ITGAM: variants seen among roughly 807,000 people sequenced by gnomAD.
ITGAM encodes the protein integrin alpha-M.
A neutral mutation model predicts 137.5 loss-of-function variants in ITGAM; 79 were observed. The ratio of observed to expected loss-of-function variants is 0.57; its 90% CI spans 0.48 to 0.69. The LOEUF is 0.69. Ranked by LOEUF, ITGAM falls within the 30% of genes least tolerant of loss-of-function variation. The pLI is 0.00. For missense variants in ITGAM, 1,343 were observed against 1,483.5 expected (o/e 0.91, Z 1.56); for synonymous variants, 583 against 592.3 (o/e 0.98, Z 0.23).
At position 31,273,416 on chromosome 16, in the gene ITGAM, C is replaced by T. The variant is rs771087849; in HGVS notation, c.756C>T (p.Ile252=). The part of the protein sequence containing the change: ...TNGARKNAFK[I]LVVITDGEKF... Reference sequence around the variant, plus strand: ...GAGCCCGAAAGAATGCCTTTAAGATCCTAGTTGTCATCACGGATGGAGAAA... The same window carrying T: ...GAGCCCGAAAGAATGCCTTTAAGATTCTAGTTGTCATCACGGATGGAGAAA... Residue 252 remains isoleucine (I), a synonymous_variant, in exon 8 of 30, where the codon ATC becomes ATT. Coordinates refer to ENST00000544665, the MANE Select transcript of ITGAM (RefSeq NM_000632.4). 26 of 1,613,596 alleles carry T rather than the reference C, an allele frequency of 1.6e-5. No individual in the cohort carries two copies. Among genetic ancestry groups the T allele is most frequent in the Non-Finnish European group, 2.2e-5 (26 of 1,179,776 alleles).
At chr16:31,302,451 C>CT (rs1567267983) in intron 14 of ITGAM, among the ~76,000 whole-genome samples, 6,063 of 82,510 alleles carry the variant, frequency 0.073, 196 homozygotes, top group Middle Eastern at 0.12. Context: ...TTCTTTCTTT[C>CT]TTCCTTCCTT....
chr16:31,281,222 T>C (rs1290017058), intron 12 of ITGAM, among the ~76,000 whole-genome samples: 3 of 152,204 alleles, frequency 2.0e-5, no homozygotes, highest in Admixed American at 6.5e-5. Context: ...ATCAGGACGA[T>C]GCTGGCCTCA....
chr16:31,260,224 G>A (rs11865830), intron 1 of ITGAM, 132 bp downstream of exon 1: 461,179 of 682,854 alleles, frequency 0.68, 158,330 homozygotes, highest in Middle Eastern at 0.81. Context: ...AGGAGAAAGG[G>A]TTCAAGAAGA....
chr16:31,270,142 C>G lies in ITGAM; in HGVS notation c.428-812C>G, dbSNP rs568478125. Among the ~76,000 whole-genome samples the G allele has an allele frequency of 2.4e-4, 14 of 58,248 alleles. No individual in the cohort carries two copies. In the East Asian group the frequency reaches 2.6e-3, roughly 11 times the overall value. 38.2% of individuals were successfully genotyped at this position (58,248 alleles called of 152,430 possible). ...CCTTCCTTCCTTCCTCCTTTGCTTT[C>G]CTTTCCTTTCCTTTCCTTTCCTTTC... On this transcript the variant is annotated intron_variant, in intron 5 of 29. Coordinates refer to ENST00000544665, the MANE Select transcript of ITGAM (RefSeq NM_000632.4).
At chr16:31,304,161 A>G (rs2080243147) in intron 14 of ITGAM, among the ~76,000 whole-genome samples, 1 of 152,112 alleles carries the variant, frequency 6.6e-6, no homozygotes, top group South Asian at 2.1e-4. Flanking sequence ...CCATTCTTGC[A>G]GGAGTAAGGT....
At chr16:31,278,386 TGTTA>T (rs1267045180) in intron 12 of ITGAM, among the ~76,000 whole-genome samples, 1 of 152,168 alleles carries the variant, frequency 6.6e-6, no homozygotes, top group African/African-American at 2.4e-5. Flanking sequence ...AGGATAGCCA[TGTTA>T]GTTAATAAAA....
chr16:31,290,554 C>T (rs969424429), intron 12 of ITGAM, among the ~76,000 whole-genome samples: 2 of 152,104 alleles, frequency 1.3e-5, no homozygotes, highest in African/African-American at 2.4e-5. Flanking sequence ...TAAAAATACT[C>T]TCAGCCGACT....
intron 1 of ITGAM, 41 bp downstream of exon 1, chr16:31,260,133 G>T: frequency 7.2e-7 from 1 of 1,386,120 alleles, no homozygotes; most frequent in South Asian, 1.3e-5. Flanking sequence ...TGGGGAGGAG[G>T]GTAACTTTTG....
intron 22 of ITGAM, among the ~76,000 whole-genome samples, chr16:31,327,707 A>G (rs1355410154): frequency 6.6e-6 from 1 of 152,222 alleles, no homozygotes. Flanking sequence ...GGCAGGAAGC[A>G]GATACCAGGG....
chr16:31,331,587 G>T (rs779066530), intron 29 of ITGAM, 49 bp from the exon 30 acceptor site: 12 of 627,366 alleles, frequency 1.9e-5, no homozygotes, highest in Middle Eastern at 3.0e-4. Context: ...CTGCGGAGCC[G>T]CACGCTCCCT....
chr16:31,280,887 G>A (rs931873943), intron 12 of ITGAM, among the ~76,000 whole-genome samples: 21 of 152,096 alleles, frequency 1.4e-4, no homozygotes, highest in African/African-American at 4.1e-4. Context: ...TTTGAGATAC[G>A]TCCCATCAAT....
chr16:31,330,231 G>A lies in ITGAM; in HGVS notation c.3060+67G>A, dbSNP rs543771600. 1.6e-5 allele frequency: 25 copies of A among 1,591,708 alleles called. No homozygotes were observed. In the Admixed American group the frequency reaches 4.2e-4, roughly 27 times the overall value. The stretch of plus-strand genomic sequence containing the variant: ...AGCGCTTCCCTGCTGGAACCTGTAT[G>A]GTCTCTGAGCAAACGGGGAGGGGTG... On this transcript the variant is annotated intron_variant, in intron 26 of 29. Transcript: ENST00000544665.
Position 31,324,849 on chromosome 16 carries a change from T to C in ITGAM, c.2289+67T>C. The C allele has an allele frequency of 6.4e-7, 1 of 1,553,428 alleles. No individual in the cohort carries two copies. Among genetic ancestry groups the C allele is most frequent in the Non-Finnish European group, 8.7e-7 (1 of 1,148,898 alleles). ...CAGAGACCAAGGTGGTTGAAACTCATTTTATTTGATTGCATCTAATTTTAC... is the reference window on the plus strand; with the variant it reads ...CAGAGACCAAGGTGGTTGAAACTCACTTTATTTGATTGCATCTAATTTTAC... On this transcript the variant is annotated intron_variant, in intron 18 of 29. Coordinates refer to ENST00000544665, the MANE Select transcript of ITGAM (RefSeq NM_000632.4). The surrounding 1 kb of genome is among the most constrained non-coding windows in gnomAD (Gnocchi z 4.5).
intron 12 of ITGAM, among the ~76,000 whole-genome samples, chr16:31,278,387 G>A (rs1226204452): frequency 6.6e-6 from 1 of 152,168 alleles, no homozygotes; most frequent in African/African-American, 2.4e-5. Flanking sequence ...GGATAGCCAT[G>A]TTAGTTAATA....
chr16:31,325,247 C>T lies in ITGAM; in HGVS notation c.2364-16C>T, dbSNP rs1485079134. 3 of 1,604,836 alleles carry T rather than the reference C, an allele frequency of 1.9e-6. No homozygotes were observed. Among genetic ancestry groups the T allele is most frequent in the African/African-American group, 2.7e-5 (2 of 74,798 alleles). On this transcript the variant is annotated splice_polypyrimidine_tract_variant and intron_variant, in intron 19 of 29. Coordinates refer to ENST00000544665, the MANE Select transcript of ITGAM (RefSeq NM_000632.4). Reference sequence around the variant, plus strand: ...CCCAGCGCCCCATCCCCCGGCCTGTCTTCTTCTTCCCACAGCCTGGACTGC... The same window carrying T: ...CCCAGCGCCCCATCCCCCGGCCTGTTTTCTTCTTCCCACAGCCTGGACTGC...
chr16:31,272,605 T>C (rs1219843788), intron 7 of ITGAM, among the ~76,000 whole-genome samples: 1 of 144,232 alleles, frequency 6.9e-6, no homozygotes, highest in Non-Finnish European at 1.5e-5. Flanking sequence ...TGCCTCAGCC[T>C]CCTGAGTAGC....
intron 14 of ITGAM, among the ~76,000 whole-genome samples, chr16:31,318,624 G>A (rs545736734): frequency 6.6e-5 from 10 of 152,258 alleles, no homozygotes; most frequent in South Asian, 2.1e-4. Flanking sequence ...GATTGCAGGC[G>A]TGAGCCACTG....
intron 12 of ITGAM, among the ~76,000 whole-genome samples, chr16:31,278,683 T>C (rs1222663585): frequency 6.6e-6 from 1 of 152,232 alleles, no homozygotes; most frequent in Non-Finnish European, 1.5e-5. Flanking sequence ...AAATCATTCT[T>C]GCAAATTCCT....
intron 14 of ITGAM, among the ~76,000 whole-genome samples, chr16:31,317,361 C>T (rs2080403864): frequency 6.6e-6 from 1 of 152,076 alleles, no homozygotes; most frequent in African/African-American, 2.4e-5. Flanking sequence ...ATGTTGAAGC[C>T]TAATTCCTTG....
Sources: allele counts gnomAD v4.1 joint callset (sites outside exome capture counted in the v4.1 genomes callset), GRCh38; gene constraint gnomAD v4.1.1; non-coding constraint Gnocchi (gnomAD v3.1); transcripts MANE v1.5; gene names NCBI Gene and HGNC (gene_info 2026-07-23, HGNC 2026-07-21).